Variants in ASCC3 observed in about 807,000 individuals in gnomAD.
ASCC3 encodes the protein activating signal cointegrator 1 complex subunit 3.
ASCC3 carries 158 observed loss-of-function variants against 256.3 expected under a neutral mutation model. That is an observed-to-expected ratio of 0.62 (90% confidence interval 0.54 to 0.70). The LOEUF (loss-of-function observed/expected upper bound fraction) is 0.70, where lower values mean the gene tolerates loss of function less well. Ranked by LOEUF, ASCC3 falls within the 30% of genes least tolerant of loss-of-function variation. The probability of loss-of-function intolerance (pLI) is 0.00; values close to 1 mark genes in which losing one functional copy is unlikely to be tolerated. For missense variants in ASCC3, 2,259 were observed against 2,626.0 expected, an observed-to-expected ratio of 0.86 and a Z score of 3.05; for synonymous variants, 948 against 883.4, an observed-to-expected ratio of 1.07 and a Z score of -1.30.
At chr6:100,642,492 A>G (rs1175434526) in intron 24 of ASCC3, 89 bp downstream of exon 24, 6 of 1,357,832 alleles carry the variant, frequency 4.4e-6, no homozygotes. Context: ...TACAAGTAAA[A>G]CTTTATTACG....
intron 13 of ASCC3, among the ~76,000 whole-genome samples, chr6:100,695,743 G>A (rs1778052144): frequency 6.6e-6 from 1 of 152,126 alleles, no homozygotes; most frequent in Non-Finnish European, 1.5e-5. Context: ...CCAGAGGAGA[G>A]GATGAACAGA....
At chr6:100,700,175 G>C (rs1300017161) in intron 13 of ASCC3, among the ~76,000 whole-genome samples, 3 of 152,102 alleles carry the variant, frequency 2.0e-5, no homozygotes, top group South Asian at 2.1e-4. Context: ...GTGGTTTTGT[G>C]GGCTGAACCC....
chr6:100,809,492 C>T (rs927606424), intron 4 of ASCC3, among the ~76,000 whole-genome samples: 2 of 152,056 alleles, frequency 1.3e-5, no homozygotes, highest in Non-Finnish European at 2.9e-5. Flanking sequence ...TATAATCTTA[C>T]AGCATCACTG....
intron 10 of ASCC3, among the ~76,000 whole-genome samples, chr6:100,743,127 G>A (rs571511088): frequency 9.8e-5 from 15 of 152,292 alleles, no homozygotes; most frequent in Middle Eastern, 6.8e-3. Flanking sequence ...TGGGAGAAGC[G>A]TGGTTTCCCA....
At chr6:100,748,107 C>T (rs1780771466) in intron 10 of ASCC3, among the ~76,000 whole-genome samples, 2 of 151,968 alleles carry the variant, frequency 1.3e-5, no homozygotes, top group African/African-American at 4.8e-5. Flanking sequence ...ACTGTTCTGC[C>T]AAATGGGTAA....
intron 12 of ASCC3, among the ~76,000 whole-genome samples, chr6:100,716,522 T>G (rs1486960743): frequency 6.6e-6 from 1 of 151,932 alleles, no homozygotes; most frequent in Non-Finnish European, 1.5e-5. Flanking sequence ...TTTAAAATAC[T>G]GGAACTCTTA....
chr6:100,516,790 C>T (rs77471007), intron 38 of ASCC3, among the ~76,000 whole-genome samples: 3,886 of 151,972 alleles, frequency 0.026, 188 homozygotes, highest in African/African-American at 0.089. Flanking sequence ...GTGCTAGATC[C>T]CAGAAACACA....
chr6:100,830,211 G>C (rs1468419123), intron 4 of ASCC3, among the ~76,000 whole-genome samples: 2 of 151,770 alleles, frequency 1.3e-5, no homozygotes, highest in Non-Finnish European at 2.9e-5. Flanking sequence ...ACGGCATTTA[G>C]AGCAAAGCTA....
At chr6:100,747,295 T>A (rs1008909348) in intron 10 of ASCC3, among the ~76,000 whole-genome samples, 11 of 152,108 alleles carry the variant, frequency 7.2e-5, no homozygotes, top group Non-Finnish European at 1.3e-4. Flanking sequence ...GAACTTTCAA[T>A]ACTTGGCTGG....
chr6:100,610,201 T>C (rs1052762303), intron 30 of ASCC3, among the ~76,000 whole-genome samples: 1 of 152,200 alleles, frequency 6.6e-6, no homozygotes, highest in Non-Finnish European at 1.5e-5. Flanking sequence ...AAAGTGACAA[T>C]TTCTTCAGAT....
chr6:100,798,767 T>C lies in ASCC3; in HGVS notation c.1341A>G (p.Glu447=), dbSNP rs1769759364. The C allele has an allele frequency of 1.9e-6, 3 of 1,613,056 alleles. No homozygotes were observed. The South Asian group carries it at 3.3e-5, about 18-fold the overall frequency. Residue 447 remains glutamate, a synonymous_variant, in exon 8 of 42, where the codon GAA becomes GAG. Coordinates refer to ENST00000369162, the MANE Select transcript of ASCC3 (RefSeq NM_006828.4). ...TTTCCTCAAAGCTGAGTGGCATTGG[T>C]TCGCTGTAGGGAATCCTTACTTCTT... ...LYEEVRIPYS[E]PMPLSFEEKP...
intron 33 of ASCC3, among the ~76,000 whole-genome samples, chr6:100,603,218 G>A (rs934508403): frequency 4.0e-5 from 6 of 151,576 alleles, no homozygotes; most frequent in African/African-American, 9.7e-5. Flanking sequence ...AAATAATAAC[G>A]GTCATATCAA....
intron 36 of ASCC3, among the ~76,000 whole-genome samples, chr6:100,545,214 G>A (rs1775655226): frequency 6.6e-6 from 1 of 152,068 alleles, no homozygotes; most frequent in African/African-American, 2.4e-5. Flanking sequence ...GTCTTGCTCT[G>A]TCGCCCAGGC....
chr6:100,798,098 G>A (rs534680780), intron 8 of ASCC3, among the ~76,000 whole-genome samples: 1 of 152,030 alleles, frequency 6.6e-6, no homozygotes, highest in South Asian at 2.1e-4. Flanking sequence ...TGATTCTATA[G>A]AACATACATG....
chr6:100,518,836 T>G (rs914733271), intron 37 of ASCC3, among the ~76,000 whole-genome samples: 3 of 152,194 alleles, frequency 2.0e-5, no homozygotes, highest in African/African-American at 7.2e-5. Context: ...TCAATTAAAT[T>G]AGATTCTGGA....
intron 14 of ASCC3, among the ~76,000 whole-genome samples, chr6:100,678,625 C>A (rs923915944): frequency 6.6e-6 from 1 of 151,774 alleles, no homozygotes; most frequent in African/African-American, 2.4e-5. Flanking sequence ...GTTCAGTAAC[C>A]AATCAGTTAA....
chr6:100,799,317 T>C, intron 7 of ASCC3, 114 bp downstream of exon 7: 1 of 1,199,680 alleles, frequency 8.3e-7, no homozygotes, highest in South Asian at 1.3e-5. Flanking sequence ...TACTTTAAAA[T>C]AAAATTTAGC....
At chr6:100,570,951 T>A (rs1770555067) in intron 36 of ASCC3, among the ~76,000 whole-genome samples, 1 of 152,142 alleles carries the variant, frequency 6.6e-6, no homozygotes, top group Non-Finnish European at 1.5e-5. Context: ...CAAGCCACCA[T>A]CTTCTCTCAT....
chr6:100,771,999 C>G (rs1781960333), intron 8 of ASCC3, among the ~76,000 whole-genome samples: 1 of 151,410 alleles, frequency 6.6e-6, no homozygotes, highest in African/African-American at 2.4e-5. Context: ...CCTGCCTCAG[C>G]CTCCGGAGTA....
Sources: allele counts gnomAD v4.1 joint callset (sites outside exome capture counted in the v4.1 genomes callset), GRCh38; gene constraint gnomAD v4.1.1; transcripts MANE v1.5; gene names NCBI Gene and HGNC (gene_info 2026-07-23, HGNC 2026-07-21).